The following TANC2 variants were observed in gnomAD, a reference collection of about 807,000 sequenced individuals.
The protein encoded by TANC2 is tetratricopeptide repeat, ankyrin repeat and coiled-coil containing 2, also known as protein TANC2.
Under a neutral mutation model 210.5 loss-of-function variants are expected in TANC2, and 26 were observed. The ratio of observed to expected loss-of-function variants is 0.12; its 90% CI spans 0.09 to 0.17. TANC2 has a LOEUF of 0.17. Ranked by LOEUF, TANC2 falls within the 10% of genes least tolerant of loss-of-function variation. The pLI, the probability that TANC2 is intolerant of heterozygous loss-of-function variation, is 1.00. For synonymous variants in TANC2, 931 were observed against 967.1 expected, an observed-to-expected ratio of 0.96 and a Z score of 0.69; for missense variants, 2,129 against 2,608.9, an observed-to-expected ratio of 0.82 and a Z score of 4.01.
At chr17:63,163,129 G>T (rs974894504) in intron 5 of TANC2, among the ~76,000 whole-genome samples, 1 of 151,832 alleles carries the variant, frequency 6.6e-6, no homozygotes, top group African/African-American at 2.4e-5. Context: ...GAGAACATGA[G>T]GGGTGAAGGA....
intron 5 of TANC2, among the ~76,000 whole-genome samples, chr17:63,177,015 G>C (rs2040608524): frequency 6.6e-6 from 1 of 151,972 alleles, no homozygotes; most frequent in Admixed American, 6.6e-5. Flanking sequence ...TGTAATCCCA[G>C]CACTTTAGGA....
chr17:63,002,961 A>G (rs1349863876), intron 1 of TANC2, among the ~76,000 whole-genome samples: 1 of 152,170 alleles, frequency 6.6e-6, no homozygotes, highest in Non-Finnish European at 1.5e-5. Context: ...TTATGCATAT[A>G]TGTTTTAATT....
intron 2 of TANC2, among the ~76,000 whole-genome samples, chr17:63,046,652 A>G (rs2035397452): frequency 6.6e-6 from 1 of 151,954 alleles, no homozygotes; most frequent in South Asian, 2.1e-4. Context: ...TTTAATCTCA[A>G]ATTTCTAGTT....
chr17:63,320,533 T>C (rs2045462936), intron 11 of TANC2: 1 of 152,234 alleles, frequency 6.6e-6, no homozygotes, highest in African/African-American at 2.4e-5. Context: ...TGATACTTAC[T>C]GTTTCTAAAA....
intron 5 of TANC2, among the ~76,000 whole-genome samples, chr17:63,165,376 G>T (rs1425343740): frequency 6.6e-6 from 1 of 152,150 alleles, no homozygotes; most frequent in African/African-American, 2.4e-5. Flanking sequence ...CTGTATTTCG[G>T]CGTATTTGAT....
intron 4 of TANC2, among the ~76,000 whole-genome samples, chr17:63,132,377 CTTT>C (rs2038949589): frequency 1.3e-5 from 2 of 152,086 alleles, no homozygotes; most frequent in African/African-American, 2.4e-5. Context: ...TCAGCATCTA[CTTT>C]TTAAGTATTT....
In TANC2 at chr17:63,421,001, G is replaced by T; in HGVS notation, c.5271G>T (p.Pro1757=). 1 of 1,613,976 alleles carries T rather than the reference G, an allele frequency of 6.2e-7. No individual in the cohort carries two copies. Among genetic ancestry groups the T allele is most frequent in the South Asian group, 1.1e-5 (1 of 91,084 alleles). Residue 1757 remains proline, a synonymous_variant, in exon 28 of 28, where the codon CCG becomes CCT. Coordinates refer to ENST00000689528, the Ensembl canonical transcript of TANC2. This position sits in a 1 kb window ranked among gnomAD's most constrained non-coding sequence, Gnocchi z 6.9. ...GGGGAATCGTAGGGGATGGAAGGCC[G>T]GTGCAGCATGTCCAAGCCAGCCTGA...
intron 1 of TANC2, among the ~76,000 whole-genome samples, chr17:62,986,332 G>C (rs2143502196): frequency 6.6e-6 from 1 of 152,294 alleles, no homozygotes; most frequent in African/African-American, 2.4e-5. Context: ...TGGCTGCTCA[G>C]CTGGCCTGGG....
chr17:63,238,836 G>A (rs955415631), intron 8 of TANC2, among the ~76,000 whole-genome samples: 4 of 152,136 alleles, frequency 2.6e-5, no homozygotes, highest in South Asian at 2.1e-4. Context: ...CAAGGCAGCA[G>A]GAGAGAGAGC....
intron 3 of TANC2, among the ~76,000 whole-genome samples, chr17:63,095,895 A>G (rs2037370588): frequency 6.6e-6 from 1 of 152,224 alleles, no homozygotes; most frequent in South Asian, 2.1e-4. Flanking sequence ...GTAAAGTAGG[A>G]CAGCCAAACT....
At chr17:63,270,117 G>A (rs1413983701) in intron 9 of TANC2, among the ~76,000 whole-genome samples, 1 of 152,024 alleles carries the variant, frequency 6.6e-6, no homozygotes, top group Non-Finnish European at 1.5e-5. Flanking sequence ...AAAAAGCAAG[G>A]TGTTTACTTA....
At chr17:63,216,265 T>G (rs1567822852) in intron 7 of TANC2, among the ~76,000 whole-genome samples, 1 of 151,618 alleles carries the variant, frequency 6.6e-6, no homozygotes, top group Non-Finnish European at 1.5e-5. Flanking sequence ...GCCAGGCTGG[T>G]CTGGAACTCC....
chr17:63,386,779 C>T (rs1277764653), intron 15 of TANC2, among the ~76,000 whole-genome samples: 1 of 152,082 alleles, frequency 6.6e-6, no homozygotes, highest in Admixed American at 6.5e-5. Flanking sequence ...ATTTTTATAA[C>T]AAATTTGTAT....
At chr17:63,332,705 G>T (rs1255991578) in intron 11 of TANC2, among the ~76,000 whole-genome samples, 1 of 152,122 alleles carries the variant, frequency 6.6e-6, no homozygotes, top group Non-Finnish European at 1.5e-5. Context: ...TGCCACCTAG[G>T]ACTTTCATAG....
intron 18 of TANC2, chr17:63,396,240 A>G (rs1444604835): frequency 1.4e-5 from 4 of 279,158 alleles, no homozygotes; most frequent in African/African-American, 8.7e-5. Flanking sequence ...AGGTGTAGTC[A>G]CATGGTTAGA....
chr17:63,329,416 A>G (rs1239202318), intron 11 of TANC2, among the ~76,000 whole-genome samples: 2 of 152,126 alleles, frequency 1.3e-5, no homozygotes, highest in Non-Finnish European at 2.9e-5. Flanking sequence ...AACTAAATCA[A>G]TACTGAGATA....
At chr17:63,088,597 A>G (rs1319726288) in intron 3 of TANC2, 1 of 152,226 alleles carries the variant, frequency 6.6e-6, no homozygotes, top group Non-Finnish European at 1.5e-5. Flanking sequence ...GCTCCAGTGC[A>G]CAGTAAAATC....
chr17:63,200,049 T>C (rs951925871), intron 6 of TANC2, among the ~76,000 whole-genome samples: 6 of 152,062 alleles, frequency 3.9e-5, no homozygotes, highest in Admixed American at 6.6e-5. Flanking sequence ...ATTTTTTTTT[T>C]CCCTTCCATC....
rs189461224 is a variant in TANC2, at chr17:63,206,396, T to C, written c.769+5439T>C. On this transcript the variant is annotated intron_variant, in intron 7 of 27. Transcript: ENST00000689528. ...AAGGAAGGATTTGGACAGATACTTG[T>C]ATGCTGATGTTCATAGTGGCATTTT... is the stretch of plus-strand genomic sequence containing the variant. Among the ~76,000 whole-genome samples, 287 of 152,318 alleles carry C rather than the reference T, an allele frequency of 1.9e-3. 1 individual carries two copies. Among genetic ancestry groups the C allele is most frequent in the Non-Finnish European group, 3.1e-3 (208 of 68,030 alleles).
Sources: allele counts gnomAD v4.1 joint callset (sites outside exome capture counted in the v4.1 genomes callset), GRCh38; gene constraint gnomAD v4.1.1; non-coding constraint Gnocchi (gnomAD v3.1); transcripts MANE v1.5; gene names NCBI Gene and HGNC (gene_info 2026-07-23, HGNC 2026-07-21).